Variants in LPA observed in about 807,000 individuals in gnomAD.
The protein encoded by LPA is lipoprotein(a).
LPA carries 199 observed loss-of-function variants against 197.9 expected under a neutral mutation model. The ratio of observed to expected loss-of-function variants is 1.01; its 90% CI spans 0.90 to 1.13. The LOEUF is 1.13. Ranked by LOEUF, LPA falls within the 50% of genes most tolerant of loss-of-function variation. The pLI, the probability that LPA is intolerant of heterozygous loss-of-function variation, is 0.00. For missense variants in LPA, 1,853 were observed against 1,785.8 expected, an observed-to-expected ratio of 1.04 and a Z score of -0.68; for synonymous variants, 715 against 639.5, an observed-to-expected ratio of 1.12 and a Z score of -1.78.
intron 20 of LPA, among the ~76,000 whole-genome samples, chr6:160,598,524 A>G (rs1161759535): frequency 6.6e-6 from 1 of 152,148 alleles, no homozygotes; most frequent in Admixed American, 6.5e-5. Flanking sequence ...TTGGTCCTCT[A>G]GCATCTGTTG....
At chr6:160,597,572 T>C (rs1779157961) in intron 20 of LPA, among the ~76,000 whole-genome samples, 1 of 152,258 alleles carries the variant, frequency 6.6e-6, no homozygotes, top group Admixed American at 6.5e-5. Context: ...CTAACCTGAT[T>C]GGGAGACCAT....
intron 20 of LPA, among the ~76,000 whole-genome samples, chr6:160,598,750 T>C (rs41271008): frequency 5.8e-4 from 88 of 152,280 alleles, no homozygotes; most frequent in Non-Finnish European, 1.1e-3. Flanking sequence ...GGACCAAGTG[T>C]GTTTGTACCC....
chr6:160,611,524 G>C, intron 16 of LPA, 38 bp downstream of exon 16: 1 of 1,606,106 alleles, frequency 6.2e-7, no homozygotes, highest in Non-Finnish European at 8.5e-7. Flanking sequence ...AACTTCAGTT[G>C]GCCCTTTATT....
chr6:160,570,790 C>A (rs1055511239), intron 28 of LPA, among the ~76,000 whole-genome samples: 1 of 152,116 alleles, frequency 6.6e-6, no homozygotes, highest in South Asian at 2.1e-4. Flanking sequence ...TTCATTTCAA[C>A]CTTGGTGAAT....
rs112683303 is a variant in LPA, at chr6:160,663,611, G to A, written c.49+555C>T. On this transcript the variant is annotated intron_variant, in intron 1 of 38. Coordinates refer to ENST00000316300, the MANE Select transcript of LPA (RefSeq NM_005577.4). ...GAGTATTTGTTGAATCATTATATGC[G>A]TATATCATCTGGCAAATGGATGTGT... 6.9e-3 allele frequency among the ~76,000 whole-genome samples: 1,051 copies of A among 152,288 alleles called. 13 individuals carry two copies. Among genetic ancestry groups the A allele is most frequent in the African/African-American group, 0.024 (1,002 of 41,558 alleles).
intron 1 of LPA, among the ~76,000 whole-genome samples, chr6:160,659,983 CT>C (rs1487383590): frequency 1.9e-5 from 2 of 104,316 alleles, no homozygotes; most frequent in East Asian, 2.1e-4. Flanking sequence ...TAAAGAAATA[CT>C]TTTTAAAAAT....
At chr6:160,565,563 G>T (rs531665801) in intron 28 of LPA, among the ~76,000 whole-genome samples, 1 of 152,296 alleles carries the variant, frequency 6.6e-6, no homozygotes, top group South Asian at 2.1e-4. Context: ...AAACCACAAA[G>T]ATGGGGAGAA....
rs552748669 is a variant in LPA, at chr6:160,558,155, G to C, written c.4632-584C>G. Among the ~76,000 whole-genome samples, 25 of 152,142 alleles carry C rather than the reference G, an allele frequency of 1.6e-4. 1 individual carries two copies. The South Asian group carries it at 5.2e-3, about 32-fold the overall frequency. On this transcript the variant is annotated intron_variant, in intron 28 of 38. Transcript: ENST00000316300. ...AGGATGGTCTCAATCTCCTGACCTC[G>C]TGATCCACCCACCTCGGCCTCCCAA...
chr6:160,584,231 T>TTCC (rs1427155545), intron 26 of LPA, among the ~76,000 whole-genome samples: 1 of 83,656 alleles, frequency 1.2e-5, no homozygotes, highest in Non-Finnish European at 2.4e-5. Flanking sequence ...CTTCTTCTTC[T>TTCC]TCTTCTTCCT....
chr6:160,535,952 C>G (rs1180184668), intron 37 of LPA, among the ~76,000 whole-genome samples: 8 of 152,176 alleles, frequency 5.3e-5, no homozygotes, highest in Non-Finnish European at 1.0e-4. Flanking sequence ...TGCCCTACCT[C>G]CCATAATCCT....
intron 2 of LPA, among the ~76,000 whole-genome samples, chr6:160,650,084 A>G (rs913120314): frequency 6.6e-6 from 1 of 152,184 alleles, no homozygotes; most frequent in African/African-American, 2.4e-5. Flanking sequence ...CTGTCTAAAC[A>G]TTCTGATTTT....
chr6:160,599,303 A>G (rs1253510211), intron 20 of LPA, among the ~76,000 whole-genome samples, 197 bp downstream of exon 20: 1 of 152,140 alleles, frequency 6.6e-6, no homozygotes, highest in African/African-American at 2.4e-5. Context: ...AGATCATGCC[A>G]CTGCACTCCA....
chr6:160,655,360 G>A (rs1780114583), intron 1 of LPA, among the ~76,000 whole-genome samples: 1 of 152,230 alleles, frequency 6.6e-6, no homozygotes, highest in South Asian at 2.1e-4. Context: ...ATCTGCCACT[G>A]ACACCTCAAG....
rs780910147 is a variant in LPA at position 160,650,327 on chromosome 6, T to C, written c.209+11A>G. On this transcript the variant is annotated intron_variant, in intron 2 of 38. Transcript: ENST00000316300. ...GACCTTGTTTTGCTTACTGTAAGATTAATGACATACGCATTTGGGTAGTTT... is the reference window on the plus strand; with the variant it reads ...GACCTTGTTTTGCTTACTGTAAGATCAATGACATACGCATTTGGGTAGTTT... 1.2e-6 allele frequency: 2 copies of C among 1,612,732 alleles called. No homozygotes were observed. Among genetic ancestry groups the C allele is most frequent in the Non-Finnish European group, 1.7e-6 (2 of 1,179,448 alleles).
At chr6:160,651,596 T>C (rs1358918715) in intron 1 of LPA, among the ~76,000 whole-genome samples, 1 of 152,236 alleles carries the variant, frequency 6.6e-6, no homozygotes, top group Non-Finnish European at 1.5e-5. Flanking sequence ...CAATCTCTAC[T>C]GTTCCTCCAT....
chr6:160,652,234 C>T (rs943434404), intron 1 of LPA, among the ~76,000 whole-genome samples: 3 of 151,228 alleles, frequency 2.0e-5, no homozygotes, highest in Non-Finnish European at 4.4e-5. Context: ...AGAATAAATA[C>T]AAAAAGTTAA....
chr6:160,584,911 G>GT (rs1224891277), intron 26 of LPA, 135 bp downstream of exon 26: 7 of 904,430 alleles, frequency 7.7e-6, no homozygotes, highest in Non-Finnish European at 1.1e-5. Flanking sequence ...TCAAAAGTAA[G>GT]TTTCCTGAGA....
At chr6:160,557,663 A>C (rs560827532) in intron 28 of LPA, 92 bp from the exon 29 acceptor site, 5 of 1,135,500 alleles carry the variant, frequency 4.4e-6, no homozygotes, top group Admixed American at 3.5e-5. Flanking sequence ...CAAAGTGTTA[A>C]AAAGTGACGT....
chr6:160,550,830 T>G (rs1040157885), intron 30 of LPA, among the ~76,000 whole-genome samples: 2 of 152,240 alleles, frequency 1.3e-5, no homozygotes, highest in African/African-American at 4.8e-5. Context: ...AATGTAATAT[T>G]TTTGAGCATC....
Sources: allele counts gnomAD v4.1 joint callset (sites outside exome capture counted in the v4.1 genomes callset), GRCh38; gene constraint gnomAD v4.1.1; transcripts MANE v1.5; gene names NCBI Gene and HGNC (gene_info 2026-07-23, HGNC 2026-07-21).